The following VPS13B variants were observed in gnomAD, a reference collection of about 807,000 sequenced individuals.
The protein encoded by VPS13B is vacuolar protein sorting 13 homolog B.
Under a neutral mutation model 426.4 loss-of-function variants are expected in VPS13B, and 285 were observed. The ratio of observed to expected loss-of-function variants is 0.67; its 90% confidence interval spans 0.61 to 0.74. VPS13B has a LOEUF of 0.74. Among genes scored for constraint, VPS13B ranks in the 30% least tolerant of loss-of-function variants. The probability of loss-of-function intolerance (pLI) is 0.00; values close to 1 mark genes in which losing one functional copy is unlikely to be tolerated. For missense variants in VPS13B, 4,537 were observed against 4,782.6 expected (o/e 0.95, Z 1.51); for synonymous variants, 1,676 against 1,676.4 (o/e 1.00, Z 0.01).
intron 24 of VPS13B, among the ~76,000 whole-genome samples, chr8:99,473,314 G>A (rs1036924000): frequency 1.3e-5 from 2 of 151,928 alleles, no homozygotes; most frequent in East Asian, 1.9e-4. Flanking sequence ...TATATTATAC[G>A]TAATGGCCAA....
At chr8:99,023,383 A>G (rs2132159502) in intron 2 of VPS13B, among the ~76,000 whole-genome samples, 1 of 151,824 alleles carries the variant, frequency 6.6e-6, no homozygotes, top group East Asian at 1.9e-4. Context: ...TAACATAATG[A>G]CCTTCATTTC....
At chr8:99,328,232 C>T (rs906838631) in intron 19 of VPS13B, among the ~76,000 whole-genome samples, 5 of 152,146 alleles carry the variant, frequency 3.3e-5, no homozygotes, top group African/African-American at 1.2e-4. Context: ...ACAGTTTCAT[C>T]CTGAAACAAT....
chr8:99,864,237 GAGCCATTATCACATAATAATTTGAAATCC>G (rs1816982132), intron 58 of VPS13B, among the ~76,000 whole-genome samples: 1 of 152,184 alleles, frequency 6.6e-6, no homozygotes, highest in African/African-American at 2.4e-5. Flanking sequence ...ATTGAAGTTA[GAGCCATTATCACATAATAATTTGAAATCC>G]AGGCCGGGTA....
intron 17 of VPS13B, among the ~76,000 whole-genome samples, chr8:99,227,577 T>A (rs1418664269): frequency 6.6e-6 from 1 of 152,146 alleles, no homozygotes; most frequent in African/African-American, 2.4e-5. Context: ...GCAGCAAAAA[T>A]GAGGTGCTTT....
rs753502568 is a variant in VPS13B at position 99,013,767 on chromosome 8, C to T, written c.-22C>T. The T allele has an allele frequency of 5.6e-6, 9 of 1,613,934 alleles. No individual in the cohort carries two copies. Among genetic ancestry groups the T allele is most frequent in the African/African-American group, 1.3e-5 (1 of 74,910 alleles). ...TCTGTCTACTCCTTTCAGCTTCCGACTTCGACTCCTTACCTTAAAAGATGC... is the reference window on the plus strand; with the variant it reads ...TCTGTCTACTCCTTTCAGCTTCCGATTTCGACTCCTTACCTTAAAAGATGC... On this transcript the variant is annotated 5_prime_UTR_variant, in exon 2 of 62. Transcript: ENST00000357162.
In VPS13B at chr8:99,699,619, T is replaced by G. The variant is rs761542645; in HGVS notation, c.6141T>G (p.Asn2047Lys). The part of the protein sequence containing the change: ...QINLFLKKIK[N>K]AHSLAHSEET... ...ACCTTTTTTTAAAGAAGATAAAAAATGCACACAGTTTGGCACATAGTGAAG... is the reference window on the plus strand; with the variant it reads ...ACCTTTTTTTAAAGAAGATAAAAAAGGCACACAGTTTGGCACATAGTGAAG... Residue 2047 changes from asparagine to lysine, a missense_variant, in exon 36 of 62, where the codon AAT (asparagine) becomes AAG (lysine). Transcript: ENST00000357162. The G allele has an allele frequency of 2.4e-5, 38 of 1,613,992 alleles. 2 individuals carry two copies. The South Asian group carries it at 3.3e-4, about 14-fold the overall frequency.
chr8:99,729,646 C>G (rs1245993182), intron 39 of VPS13B, among the ~76,000 whole-genome samples: 1 of 152,048 alleles, frequency 6.6e-6, no homozygotes, highest in Non-Finnish European at 1.5e-5. Flanking sequence ...AAGTAATTTT[C>G]TTTTTTTGAA....
intron 31 of VPS13B, among the ~76,000 whole-genome samples, chr8:99,566,526 C>T (rs939224996): frequency 3.3e-5 from 5 of 151,874 alleles, no homozygotes; most frequent in Non-Finnish European, 5.9e-5. Context: ...CTGCAGTCTC[C>T]GCCTCCTGGG....
chr8:99,708,541 T>C (rs1268641343), intron 36 of VPS13B, among the ~76,000 whole-genome samples: 3 of 152,144 alleles, frequency 2.0e-5, no homozygotes, highest in Non-Finnish European at 4.4e-5. Flanking sequence ...AGGTCCCAGC[T>C]TTTACTTACC....
At chr8:99,453,615 T>C (rs1818307182) in intron 23 of VPS13B, among the ~76,000 whole-genome samples, 1 of 152,176 alleles carries the variant, frequency 6.6e-6, no homozygotes, top group South Asian at 2.1e-4. Context: ...TCCTTGCTTA[T>C]CAATTTTGCA....
At chr8:99,285,666 T>G (rs1422830197) in intron 19 of VPS13B, among the ~76,000 whole-genome samples, 1 of 152,166 alleles carries the variant, frequency 6.6e-6, no homozygotes, top group African/African-American at 2.4e-5. Context: ...TAAGACCCAA[T>G]GACATTAGCC....
intron 25 of VPS13B, among the ~76,000 whole-genome samples, chr8:99,489,784 C>T (rs1433999604): frequency 5.3e-5 from 8 of 152,172 alleles, no homozygotes; most frequent in Non-Finnish European, 7.3e-5. Flanking sequence ...AGTTGCTTAT[C>T]AGCTTAAGGA....
chr8:99,613,921 G>A (rs2133879557), intron 33 of VPS13B: 1 of 152,396 alleles, frequency 6.6e-6, no homozygotes. Context: ...TAGGCAACCT[G>A]TTGGTCTCCT....
At chr8:99,844,023 T>C (rs1441079142) in intron 54 of VPS13B, among the ~76,000 whole-genome samples, 1 of 152,158 alleles carries the variant, frequency 6.6e-6, no homozygotes, top group African/African-American at 2.4e-5. Flanking sequence ...TTGATTTACA[T>C]TTTTTTCCAA....
At chr8:99,493,080 A>G (rs1412650077) in intron 25 of VPS13B, among the ~76,000 whole-genome samples, 1 of 152,180 alleles carries the variant, frequency 6.6e-6, no homozygotes, top group Admixed American at 6.5e-5. Flanking sequence ...TGATTTTCAC[A>G]TGTTCAACTG....
At chr8:99,375,726 TA>T (rs917169191) in intron 19 of VPS13B, among the ~76,000 whole-genome samples, 5 of 152,214 alleles carry the variant, frequency 3.3e-5, no homozygotes, top group African/African-American at 9.7e-5. Flanking sequence ...AAATTATTCT[TA>T]AAAAATTAGA....
At chr8:99,445,464 C>T (rs901830324) in intron 23 of VPS13B, among the ~76,000 whole-genome samples, 1 of 148,882 alleles carries the variant, frequency 6.7e-6, no homozygotes, top group African/African-American at 2.5e-5. Context: ...GACCCTGACT[C>T]TGTAAATTAA....
At chr8:99,608,499 A>G (rs1467321686) in intron 33 of VPS13B, among the ~76,000 whole-genome samples, 1 of 152,178 alleles carries the variant, frequency 6.6e-6, no homozygotes, top group Admixed American at 6.5e-5. Context: ...CAATTCACAC[A>G]TCATACAATG....
At chr8:99,586,575 G>C (rs943937147) in intron 33 of VPS13B, among the ~76,000 whole-genome samples, 1 of 152,138 alleles carries the variant, frequency 6.6e-6, no homozygotes, top group Non-Finnish European at 1.5e-5. Flanking sequence ...TTCTGAATCA[G>C]ATTAATCAAA....
Sources: allele counts gnomAD v4.1 joint callset (sites outside exome capture counted in the v4.1 genomes callset), GRCh38; gene constraint gnomAD v4.1.1; transcripts MANE v1.5; gene names NCBI Gene and HGNC (gene_info 2026-07-23, HGNC 2026-07-21).